Variants in NFYA observed in about 807,000 individuals in gnomAD.
NFYA encodes nuclear transcription factor Y subunit alpha, also known as CAAT-box DNA binding protein subunit A.
Under a neutral mutation model 52.8 loss-of-function variants are expected in NFYA, and 28 were observed. The observed-to-expected ratio is 0.53, with a 90% CI of 0.39 to 0.73. The LOEUF is 0.73. NFYA is among the 30% of genes least tolerant of loss of function. The probability of loss-of-function intolerance (pLI) is 0.00; values close to 1 mark genes in which losing one functional copy is unlikely to be tolerated. For synonymous variants in NFYA, 150 were observed against 150.7 expected (o/e 1.00, Z 0.03); for missense variants, 234 against 427.0 (o/e 0.55, Z 3.98).
intron 1 of NFYA, among the ~76,000 whole-genome samples, chr6:41,074,539 A>G (rs919695484): frequency 2.6e-5 from 4 of 152,214 alleles, no homozygotes; most frequent in African/African-American, 9.7e-5. Flanking sequence ...AATGATGGTA[A>G]TTCTTCCACA....
Position 41,100,435 on chromosome 6 carries a change from G to A in NFYA, c.*3025G>A, listed in dbSNP as rs528638949. ...CTTGTTACTGTTTTACCTTACGGTCGCTGGGAATCTAAGCAACAAAGACTA... is the reference window on the plus strand; with the variant it reads ...CTTGTTACTGTTTTACCTTACGGTCACTGGGAATCTAAGCAACAAAGACTA... On this transcript the variant is annotated 3_prime_UTR_variant, in exon 10 of 10. Transcript: ENST00000341376. Among the ~76,000 whole-genome samples, 4 of 152,214 alleles carry A rather than the reference G, an allele frequency of 2.6e-5. No homozygotes were observed. The South Asian group carries it at 6.2e-4, about 24-fold the overall frequency.
chr6:41,092,858 T>G, intron 7 of NFYA, 54 bp from the exon 8 acceptor site: 1 of 1,541,710 alleles, frequency 6.5e-7, no homozygotes, highest in South Asian at 1.2e-5. Context: ...CAAGAAACTG[T>G]TTCTATGTCC....
At chr6:41,095,191 T>TA (rs1373350205) in intron 9 of NFYA, among the ~76,000 whole-genome samples, 1 of 152,162 alleles carries the variant, frequency 6.6e-6, no homozygotes, top group African/African-American at 2.4e-5. Context: ...CATTTGCACT[T>TA]AGACTGACAT....
intron 1 of NFYA, among the ~76,000 whole-genome samples, chr6:41,074,496 T>C (rs1234479635): frequency 6.6e-6 from 1 of 152,222 alleles, no homozygotes; most frequent in African/African-American, 2.4e-5. Context: ...CGTGAAAGGC[T>C]TATCACCACC....
At chr6:41,088,190 G>A (rs535686708) in intron 4 of NFYA, among the ~76,000 whole-genome samples, 1 of 152,024 alleles carries the variant, frequency 6.6e-6, no homozygotes, top group East Asian at 1.9e-4. Flanking sequence ...TGGCCGAGGC[G>A]GGTGGATCAC....
At chr6:41,084,938 G>A (rs1582027988) in intron 4 of NFYA, among the ~76,000 whole-genome samples, 1 of 152,108 alleles carries the variant, frequency 6.6e-6, no homozygotes, top group East Asian at 1.9e-4. Flanking sequence ...TCCAGGCTGG[G>A]CACCAGAGCA....
intron 7 of NFYA, among the ~76,000 whole-genome samples, chr6:41,092,002 G>T (rs1306274738): frequency 6.6e-6 from 1 of 152,162 alleles, no homozygotes; most frequent in Non-Finnish European, 1.5e-5. Flanking sequence ...TTGAGAAGTG[G>T]AAAGTAGTAT....
Position 41,079,128 on chromosome 6 carries a change from G to C in NFYA, c.39G>C (p.Glu13Asp), listed in dbSNP as rs778589621. The C allele has an allele frequency of 1.1e-5, 18 of 1,614,180 alleles. No homozygotes were observed. The South Asian group carries it at 1.6e-4, about 15-fold the overall frequency. The stretch of plus-strand genomic sequence containing the variant: ...CAGCAAACAGCAATAGTTCGACAGA[G>C]CAGATTGTTGTCCAGGCAGGACAGA... ...QYTANSNSST[E>D]QIVVQAGQIQ... The change falls in exon 2 of 10, where the codon GAG becomes GAC. Residue 13 changes from glutamate to aspartate, a missense_variant. By Grantham distance (45) the Glu-to-Asp change is conservative. Coordinates refer to ENST00000341376, the MANE Select transcript of NFYA (RefSeq NM_002505.5).
At chr6:41,080,549 A>G (rs1390965590) in intron 2 of NFYA, among the ~76,000 whole-genome samples, 1 of 152,230 alleles carries the variant, frequency 6.6e-6, no homozygotes, top group Non-Finnish European at 1.5e-5. Flanking sequence ...CTGGAGGGAA[A>G]GATTGCATTA....
chr6:41,097,487 A>T lies in NFYA; in HGVS notation c.*77A>T, dbSNP rs1414088441. On this transcript the variant is annotated 3_prime_UTR_variant, in exon 10 of 10. Coordinates refer to ENST00000341376, the MANE Select transcript of NFYA (RefSeq NM_002505.5). The stretch of plus-strand genomic sequence containing the variant: ...GAAATTGATCAACTCTTCCAATGGG[A>T]CATTGATGATCACATTCTGCCCTTT... The T allele has an allele frequency of 1.4e-6, 2 of 1,458,802 alleles. No individual in the cohort carries two copies. Among genetic ancestry groups the T allele is most frequent in the Non-Finnish European group, 1.9e-6 (2 of 1,041,934 alleles). The allele number at this position is 1,458,802 out of a possible 1,614,324, so 90.4% of individuals were successfully genotyped here.
intron 2 of NFYA, among the ~76,000 whole-genome samples, chr6:41,080,307 TA>T (rs535262494): frequency 4.0e-5 from 6 of 148,262 alleles, no homozygotes; most frequent in Admixed American, 6.7e-5. Flanking sequence ...AAATAAAGTT[TA>T]AAAAAAAAAG....
chr6:41,088,379 C>T (rs1390502400), intron 4 of NFYA, among the ~76,000 whole-genome samples: 6 of 139,310 alleles, frequency 4.3e-5, no homozygotes, highest in African/African-American at 1.6e-4. Context: ...GCCAAGATCA[C>T]ACCACTGCAC....
intron 1 of NFYA, among the ~76,000 whole-genome samples, chr6:41,074,641 T>A (rs1001284528): frequency 6.6e-6 from 1 of 152,210 alleles, no homozygotes; most frequent in African/African-American, 2.4e-5. Context: ...GATAGGGAAG[T>A]GGGCAGTAGT....
chr6:41,091,234 C>T (rs1184482663), intron 6 of NFYA, among the ~76,000 whole-genome samples: 2 of 152,212 alleles, frequency 1.3e-5, no homozygotes, highest in Admixed American at 6.5e-5. Flanking sequence ...TAGCTGTAGT[C>T]AGACTGACCT....
chr6:41,078,979 G>C (rs1051889526), intron 1 of NFYA, 50 bp from the exon 2 acceptor site: 7 of 827,076 alleles, frequency 8.5e-6, no homozygotes, highest in South Asian at 1.6e-5. Context: ...TGTCTGGTAA[G>C]GCCTTTATTG....
chr6:41,074,140 CTA>C (rs1471163692), intron 1 of NFYA, among the ~76,000 whole-genome samples: 1 of 152,098 alleles, frequency 6.6e-6, no homozygotes, highest in Non-Finnish European at 1.5e-5. Flanking sequence ...CTTCGCCTTT[CTA>C]TGTTACTTTG....
At chr6:41,090,115 A>G (rs1764160688) in intron 5 of NFYA, 89 bp from the exon 6 acceptor site, 5 of 926,400 alleles carry the variant, frequency 5.4e-6, no homozygotes, top group Admixed American at 4.6e-5. Context: ...CTCTGTCTCA[A>G]AAAAATAATT....
In NFYA at chr6:41,100,439, G is replaced by T. The variant is rs1764468131; in HGVS notation, c.*3029G>T. 1.3e-5 allele frequency among the ~76,000 whole-genome samples: 2 copies of T among 152,068 alleles called. No individual in the cohort carries two copies. Among genetic ancestry groups the T allele is most frequent in the African/African-American group, 4.8e-5 (2 of 41,390 alleles). On this transcript the variant is annotated 3_prime_UTR_variant, in exon 10 of 10. Transcript: ENST00000341376. ...TTACTGTTTTACCTTACGGTCGCTG[G>T]GAATCTAAGCAACAAAGACTAGAAG...
At chr6:41,089,159 T>C (rs988167997) in intron 4 of NFYA, among the ~76,000 whole-genome samples, 9 of 152,090 alleles carry the variant, frequency 5.9e-5, no homozygotes, top group African/African-American at 1.9e-4. Context: ...AATCTTTGTA[T>C]TTTTAGTAGA....
Sources: allele counts gnomAD v4.1 joint callset (sites outside exome capture counted in the v4.1 genomes callset), GRCh38; gene constraint gnomAD v4.1.1; transcripts MANE v1.5; gene names NCBI Gene and HGNC (gene_info 2026-07-23, HGNC 2026-07-21).